Variants in ZFAND3 observed in about 807,000 individuals in gnomAD.
The protein encoded by ZFAND3 is zinc finger AN1-type containing 3.
ZFAND3 carries 10 observed loss-of-function variants against 29.6 expected under a neutral mutation model. The ratio of observed to expected loss-of-function variants is 0.34; its 90% CI spans 0.21 to 0.57. The LOEUF (loss-of-function observed/expected upper bound fraction) is 0.57. Ranked by LOEUF, ZFAND3 falls within the 20% of genes least tolerant of loss-of-function variation. ZFAND3 has a pLI of 0.86. For synonymous variants in ZFAND3, 128 were observed against 112.6 expected, an observed-to-expected ratio of 1.14 and a Z score of -0.87; for missense variants, 230 against 304.5, an observed-to-expected ratio of 0.76 and a Z score of 1.82.
chr6:37,905,279 T>C (rs1765387995), intron 1 of ZFAND3, among the ~76,000 whole-genome samples: 1 of 152,180 alleles, frequency 6.6e-6, no homozygotes, highest in Non-Finnish European at 1.5e-5. Context: ...TAAGCACTCT[T>C]GGGCATTGAC....
chr6:37,993,448 T>C (rs527920070), intron 2 of ZFAND3, among the ~76,000 whole-genome samples: 1 of 152,282 alleles, frequency 6.6e-6, no homozygotes, highest in African/African-American at 2.4e-5. Context: ...TGCCTCACCC[T>C]CGCAAGTAGC....
intron 1 of ZFAND3, among the ~76,000 whole-genome samples, chr6:37,878,766 T>G (rs1408275061): frequency 6.6e-6 from 1 of 152,214 alleles, no homozygotes; most frequent in Non-Finnish European, 1.5e-5. Flanking sequence ...GTTGATCAGA[T>G]TTTTTAGTGG....
chr6:37,955,910 A>G (rs1424653007), intron 2 of ZFAND3, among the ~76,000 whole-genome samples: 2 of 152,218 alleles, frequency 1.3e-5, no homozygotes, highest in Non-Finnish European at 2.9e-5. Context: ...AAATGTGACT[A>G]TAAGGTTTTC....
At chr6:38,036,006 A>T (rs1007904031) in intron 2 of ZFAND3, among the ~76,000 whole-genome samples, 2 of 152,172 alleles carry the variant, frequency 1.3e-5, no homozygotes, top group Non-Finnish European at 2.9e-5. Flanking sequence ...TCCCAGCTCC[A>T]TGTTATGGAA....
In ZFAND3 at chr6:37,819,782, A is replaced by C; in HGVS notation, c.-164A>C. On this transcript the variant is annotated 5_prime_UTR_variant, in exon 1 of 6. Transcript: ENST00000287218. ...CCCGCCTCCAGCTGACCGGCCTGGA[A>C]TCCCGGCTCCGAGCCCCGGACTCGC... 1 of 310,918 alleles carries C rather than the reference A, an allele frequency of 3.2e-6. No homozygotes were observed. Among genetic ancestry groups the C allele is most frequent in the Non-Finnish European group, 5.0e-6 (1 of 199,580 alleles). The allele number at this position is 310,918 out of a possible 1,614,324, so 19.3% of individuals were successfully genotyped here. A position where few individuals can be genotyped will look rare whatever the true frequency, so the allele number is the denominator to read the frequency against.
intron 1 of ZFAND3, among the ~76,000 whole-genome samples, chr6:37,881,862 A>C (rs981473196): frequency 1.3e-5 from 2 of 151,216 alleles, no homozygotes; most frequent in African/African-American, 4.9e-5. Flanking sequence ...TAAAAAAAAA[A>C]ACATTCCTTT....
At chr6:37,841,319 C>T (rs1162066025) in intron 1 of ZFAND3, among the ~76,000 whole-genome samples, 1 of 152,100 alleles carries the variant, frequency 6.6e-6, no homozygotes, top group Non-Finnish European at 1.5e-5. Context: ...TATTTACTAC[C>T]TAGATTCTGT....
At chr6:38,062,131 C>T (rs1217755899) in intron 3 of ZFAND3, among the ~76,000 whole-genome samples, 1 of 152,152 alleles carries the variant, frequency 6.6e-6, no homozygotes, top group Non-Finnish European at 1.5e-5. Context: ...TTATTTTTAA[C>T]TCCGCAGAGG....
At chr6:37,971,269 T>C (rs1430828944) in intron 2 of ZFAND3, among the ~76,000 whole-genome samples, 2 of 152,208 alleles carry the variant, frequency 1.3e-5, no homozygotes, top group Admixed American at 6.5e-5. Flanking sequence ...AGCCCTCTTA[T>C]TGTATATACT....
In ZFAND3 at chr6:38,061,671, C is replaced by A; in HGVS notation, c.191C>A (p.Thr64Asn). ...NSQSDLFSEETTSDNNNTSIT... is the reference protein window; with the variant it reads ...NSQSDLFSEENTSDNNNTSIT... ...CAATCAGATTTGTTTTCCGAAGAGACCACCAGTGACAACAACAATACCTCG... is the reference window on the plus strand; with the variant it reads ...CAATCAGATTTGTTTTCCGAAGAGAACACCAGTGACAACAACAATACCTCG... Residue 64 changes from threonine to asparagine, a missense_variant, in exon 3 of 6, where the codon ACC becomes AAC. This residue lies in a region of ZFAND3 where 180 missense variants were observed against 202.5 expected (regional missense o/e 0.89). Transcript: ENST00000287218. 1 of 1,614,196 alleles carries A rather than the reference C, an allele frequency of 6.2e-7. No individual in the cohort carries two copies. Among genetic ancestry groups the A allele is most frequent in the Non-Finnish European group, 8.5e-7 (1 of 1,180,028 alleles).
chr6:37,838,225 G>A (rs1208114181), intron 1 of ZFAND3, among the ~76,000 whole-genome samples: 3 of 152,180 alleles, frequency 2.0e-5, no homozygotes, highest in African/African-American at 7.2e-5. Context: ...GGGAATGAAA[G>A]TGTTCATAAC....
intron 2 of ZFAND3, among the ~76,000 whole-genome samples, chr6:38,001,063 A>C (rs1762939317): frequency 6.6e-6 from 1 of 152,222 alleles, no homozygotes; most frequent in Non-Finnish European, 1.5e-5. Flanking sequence ...AATAGGTTGA[A>C]GAATGCAGGG....
chr6:37,822,630 C>T (rs978848333), intron 1 of ZFAND3, among the ~76,000 whole-genome samples: 2 of 152,130 alleles, frequency 1.3e-5, no homozygotes, highest in African/African-American at 2.4e-5. Flanking sequence ...AGTTGCAATA[C>T]GTTGTACAGG....
At chr6:38,049,344 A>G (rs1763974240) in intron 2 of ZFAND3, among the ~76,000 whole-genome samples, 1 of 152,228 alleles carries the variant, frequency 6.6e-6, no homozygotes, top group South Asian at 2.1e-4. Context: ...TAAGACTTCC[A>G]CATGTATTAT....
chr6:38,144,562 C>T (rs779965229), intron 5 of ZFAND3, among the ~76,000 whole-genome samples: 16 of 152,222 alleles, frequency 1.1e-4, no homozygotes, highest in Non-Finnish European at 2.4e-4. Flanking sequence ...AGCGTGCTGC[C>T]ACCTCGGGCT....
intron 4 of ZFAND3, among the ~76,000 whole-genome samples, chr6:38,102,778 G>A (rs1375176521): frequency 6.6e-6 from 1 of 151,984 alleles, no homozygotes; most frequent in Non-Finnish European, 1.5e-5. Context: ...TTTTTTTGAG[G>A]CAGAGTCTTG....
At chr6:38,026,505 A>C (rs1322221024) in intron 2 of ZFAND3, among the ~76,000 whole-genome samples, 2 of 134,720 alleles carry the variant, frequency 1.5e-5, no homozygotes, top group Non-Finnish European at 3.0e-5. Context: ...ATTTCAGCTC[A>C]CTGCAACCTC....
At chr6:38,086,548 C>T (rs1338832160) in intron 4 of ZFAND3, among the ~76,000 whole-genome samples, 1 of 152,218 alleles carries the variant, frequency 6.6e-6, no homozygotes, top group South Asian at 2.1e-4. Flanking sequence ...ATTCTCACAA[C>T]ATTCCTGCCA....
intron 1 of ZFAND3, among the ~76,000 whole-genome samples, chr6:37,916,083 A>G (rs76282095): frequency 9.6e-6 from 1 of 104,346 alleles, no homozygotes; most frequent in Admixed American, 8.5e-5. Flanking sequence ...TGTTTTTTTT[A>G]ACTTAAAAAA....
Sources: gnomAD v4.1 joint callset for allele counts (sites outside exome capture counted in the v4.1 genomes callset) on GRCh38, gnomAD v4.1.1 for gene constraint, gnomAD v4.1.1 regional missense constraint, MANE v1.5 for transcripts, NCBI Gene and HGNC (gene_info 2026-07-23, HGNC 2026-07-21) for gene names.